SASH1: variants seen among roughly 807,000 people sequenced by gnomAD.
SASH1 encodes the protein SAM and SH3 domain containing 1, also known as SAM and SH3 domain-containing protein 1.
In SASH1, 44 loss-of-function variants were observed where a neutral mutation model predicts 125.2. The observed-to-expected ratio is 0.35, with a 90% CI of 0.28 to 0.45. The LOEUF (loss-of-function observed/expected upper bound fraction) is 0.45, where lower values mean the gene tolerates loss of function less well. SASH1 is among the 20% of genes least tolerant of loss of function. The pLI, the probability that SASH1 is intolerant of heterozygous loss-of-function variation, is 1.00. For missense variants in SASH1, 1,426 were observed against 1,614.5 expected, an observed-to-expected ratio of 0.88 and a Z score of 2.00; for synonymous variants, 639 against 649.1, an observed-to-expected ratio of 0.98 and a Z score of 0.24.
the SASH1 span, among the ~76,000 whole-genome samples, chr6:148,261,307 G>A: frequency 2.0e-5 from 3 of 152,046 alleles, no homozygotes; most frequent in Admixed American, 6.5e-5. Flanking sequence ...TTCCTGAGTC[G>A]GAATTGTGTC....
intron 1 of SASH1, among the ~76,000 whole-genome samples, chr6:148,284,124 T>TTA (rs1247511647): frequency 6.6e-6 from 1 of 152,052 alleles, no homozygotes; most frequent in Non-Finnish European, 1.5e-5. Context: ...AGGCTAAATT[T>TTA]TACAATTTTT....
chr6:148,349,031 G>A (rs907292210), intron 1 of SASH1, among the ~76,000 whole-genome samples: 1 of 151,992 alleles, frequency 6.6e-6, no homozygotes, highest in African/African-American at 2.4e-5. Context: ...TCCCAGAGAG[G>A]TCTTTTCTAG....
At chr6:148,409,555 A>G (rs1205040005) in intron 2 of SASH1, among the ~76,000 whole-genome samples, 1 of 152,212 alleles carries the variant, frequency 6.6e-6, no homozygotes, top group Non-Finnish European at 1.5e-5. Context: ...TAAAAACTGC[A>G]ATCCATATTT....
In SASH1 at chr6:148,356,905, A is replaced by G. The variant is rs111659655; in HGVS notation, c.156+13682A>G. Among the ~76,000 whole-genome samples the G allele has an allele frequency of 2.8e-3, 428 of 152,278 alleles. 1 individual carries two copies. Among genetic ancestry groups the G allele is most frequent in the Non-Finnish European group, 5.0e-3 (343 of 68,030 alleles). ...TCTTGCAGAAGTAAGGTAGTATTACATTGGGGTTTTGATTTGTATTTCCCT... is the reference window on the plus strand; with the variant it reads ...TCTTGCAGAAGTAAGGTAGTATTACGTTGGGGTTTTGATTTGTATTTCCCT... On this transcript the variant is annotated intron_variant, in intron 1 of 19. Transcript: ENST00000367467.
intron 8 of SASH1, among the ~76,000 whole-genome samples, chr6:148,499,958 G>A (rs12201277): frequency 0.24 from 35,846 of 151,866 alleles, 4,947 homozygotes; most frequent in Middle Eastern, 0.36. Context: ...TTGAATTCAC[G>A]TTCTTATTAA....
chr6:148,435,522 T>C (rs34845949), intron 2 of SASH1, among the ~76,000 whole-genome samples: 34,929 of 152,098 alleles, frequency 0.23, 4,677 homozygotes, highest in East Asian at 0.36. Context: ...TATCTAAATT[T>C]CATAAATACG....
intron 7 of SASH1, among the ~76,000 whole-genome samples, chr6:148,484,282 G>C (rs1402161316): frequency 6.6e-6 from 1 of 152,096 alleles, no homozygotes; most frequent in African/African-American, 2.4e-5. Flanking sequence ...GACTTCAACT[G>C]TGAGAAAACA....
chr6:148,367,451 C>G (rs1347558776), intron 1 of SASH1, among the ~76,000 whole-genome samples: 1 of 152,202 alleles, frequency 6.6e-6, no homozygotes, highest in Non-Finnish European at 1.5e-5. Context: ...GCCAGAGGCC[C>G]TGCGCAGGTC....
chr6:148,452,702 TC>T (rs34713923), intron 4 of SASH1, among the ~76,000 whole-genome samples: 76,046 of 151,964 alleles, frequency 0.5, 19,647 homozygotes, highest in South Asian at 0.59. Context: ...TGCTGTTCCC[TC>T]CCCTCACCCC....
intron 2 of SASH1, among the ~76,000 whole-genome samples, chr6:148,392,266 A>G (rs1035078974): frequency 1.3e-5 from 2 of 150,416 alleles, no homozygotes; most frequent in East Asian, 2.0e-4. Context: ...AGCCTGGGCA[A>G]CAAGAGTGAA....
chr6:148,520,579 C>G (rs1780749094), intron 10 of SASH1, among the ~76,000 whole-genome samples: 1 of 152,126 alleles, frequency 6.6e-6, no homozygotes, highest in Non-Finnish European at 1.5e-5. Context: ...TCCATTTCTC[C>G]TCTTGTCAGA....
chr6:148,547,944 C>T (rs530637317), intron 19 of SASH1, among the ~76,000 whole-genome samples: 2 of 152,308 alleles, frequency 1.3e-5, no homozygotes, highest in South Asian at 4.1e-4. Flanking sequence ...ACACGATCAC[C>T]CAGATTTGTC....
At chr6:148,364,650 G>A (rs1782375572) in intron 1 of SASH1, among the ~76,000 whole-genome samples, 1 of 152,110 alleles carries the variant, frequency 6.6e-6, no homozygotes, top group South Asian at 2.1e-4. Context: ...GAAGGTTTCT[G>A]TAGATACAAG....
the SASH1 span, among the ~76,000 whole-genome samples, chr6:148,265,796 G>A: frequency 6.6e-6 from 1 of 152,070 alleles, no homozygotes; most frequent in African/African-American, 2.4e-5. Flanking sequence ...TCTCTGGAAA[G>A]GCAGGGTTAG....
the SASH1 span, among the ~76,000 whole-genome samples, chr6:148,263,653 G>A: frequency 5.3e-5 from 8 of 152,220 alleles, no homozygotes; most frequent in South Asian, 8.3e-4. Context: ...ACAAGCCCCC[G>A]TTTTTGGAGT....
At chr6:148,262,808 G>A in the SASH1 span, among the ~76,000 whole-genome samples, 2 of 152,152 alleles carry the variant, frequency 1.3e-5, no homozygotes, top group African/African-American at 4.8e-5. Flanking sequence ...GCTTGAACCC[G>A]GGAGGGGGAG....
chr6:148,307,965 T>C (rs1780187735), intron 1 of SASH1, among the ~76,000 whole-genome samples: 1 of 152,114 alleles, frequency 6.6e-6, no homozygotes, highest in Non-Finnish European at 1.5e-5. Flanking sequence ...AGATCTATGG[T>C]AATATGAGGG....
At chr6:148,273,400 TCTC>T (rs1241647210) in intron 1 of SASH1, among the ~76,000 whole-genome samples, 2 of 150,906 alleles carry the variant, frequency 1.3e-5, no homozygotes, top group Non-Finnish European at 3.0e-5. Flanking sequence ...TTCAAGCAAT[TCTC>T]CTGCCTTGGC....
At chr6:148,462,950 A>T (rs1237545258) in intron 4 of SASH1, among the ~76,000 whole-genome samples, 1 of 152,050 alleles carries the variant, frequency 6.6e-6, no homozygotes, top group Non-Finnish European at 1.5e-5. Flanking sequence ...CTATTCTGTG[A>T]TGGGGGGTAA....
Sources: allele counts gnomAD v4.1 joint callset (sites outside exome capture counted in the v4.1 genomes callset), GRCh38; gene constraint gnomAD v4.1.1; transcripts MANE v1.5; gene names NCBI Gene and HGNC (gene_info 2026-07-23, HGNC 2026-07-21).